Variants in PDE1C observed in about 807,000 individuals in gnomAD.
PDE1C encodes dual specificity calcium/calmodulin-dependent 3',5'-cyclic nucleotide phosphodiesterase 1C.
A neutral mutation model predicts 93.1 loss-of-function variants in PDE1C; 62 were observed. The observed-to-expected ratio is 0.67, with a 90% CI of 0.54 to 0.82. PDE1C has a LOEUF of 0.82. PDE1C is among the 40% of genes least tolerant of loss of function. PDE1C has a pLI of 0.00. For synonymous variants in PDE1C, 325 were observed against 310.1 expected (o/e 1.05, Z -0.50); for missense variants, 742 against 884.6 (o/e 0.84, Z 2.04).
At chr7:32,408,499 C>A (rs1839592) in intron 1 of PDE1C, among the ~76,000 whole-genome samples, 76,731 of 152,106 alleles carry the variant, frequency 0.5, 22,179 homozygotes, top group Non-Finnish European at 0.64. Context: ...TTAAAAGGGG[C>A]ATTAAAGGGC....
intron 17 of PDE1C, among the ~76,000 whole-genome samples, chr7:31,762,756 G>C (rs1029546117): frequency 6.6e-6 from 1 of 152,150 alleles, no homozygotes; most frequent in Non-Finnish European, 1.5e-5. Context: ...GAATGCAGGG[G>C]ACAGGAAGCT....
At chr7:31,834,489 C>A (rs369612925) in intron 11 of PDE1C, among the ~76,000 whole-genome samples, 1 of 152,150 alleles carries the variant, frequency 6.6e-6, no homozygotes, top group Admixed American at 6.5e-5. Context: ...ACCATGAGAA[C>A]CCATCTCTTG....
chr7:31,796,704 T>C (rs778393599), intron 16 of PDE1C, among the ~76,000 whole-genome samples: 6 of 151,656 alleles, frequency 4.0e-5, no homozygotes, highest in Admixed American at 6.6e-5. Flanking sequence ...ATATTATGGA[T>C]TGGTTAATAG....
In PDE1C at chr7:32,171,008, C is replaced by CTG. The variant is rs1323605370; in HGVS notation, c.137-1054_137-1053dup. ...CTAGCCAGTCCCAACCCTGCCTACC[C>CTG]TGCCTTGCCTGTTCCTTCTTGCAGA... On this transcript the variant is annotated intron_variant, in intron 2 of 18. Transcript: ENST00000396193. Among the ~76,000 whole-genome samples the CTG allele has an allele frequency of 2.0e-5, 3 of 152,280 alleles. No homozygotes were observed. In the East Asian group the frequency reaches 5.8e-4, roughly 29 times the overall value.
intron 2 of PDE1C, among the ~76,000 whole-genome samples, chr7:31,917,148 T>C (rs914965058): frequency 6.6e-6 from 1 of 152,058 alleles, no homozygotes; most frequent in South Asian, 2.1e-4. Context: ...TATAGGTAAA[T>C]GGTCCCAATC....
chr7:31,847,861 C>G (rs1484032655), intron 9 of PDE1C, 107 bp downstream of exon 9: 1 of 1,168,228 alleles, frequency 8.6e-7, no homozygotes, highest in Non-Finnish European at 1.3e-6. Context: ...GAAAGCAACA[C>G]GAATCAACAT....
the PDE1C span, among the ~76,000 whole-genome samples, chr7:31,705,986 A>ATTTT: frequency 1.0e-3 from 55 of 52,514 alleles, 10 homozygotes; most frequent in South Asian, 1.7e-3. Flanking sequence ...CAGACCAGTA[A>ATTTT]TTTTTTTTTT....
At chr7:32,287,321 C>T (rs568598990) in intron 1 of PDE1C, among the ~76,000 whole-genome samples, 1 of 152,306 alleles carries the variant, frequency 6.6e-6, no homozygotes, top group Admixed American at 6.5e-5. Flanking sequence ...AGCCCATCTC[C>T]TCCCTCCAGC....
chr7:32,276,001 A>G (rs10226228), intron 1 of PDE1C, among the ~76,000 whole-genome samples: 57,381 of 152,086 alleles, frequency 0.38, 11,254 homozygotes, highest in East Asian at 0.53. Flanking sequence ...TGCAAGATAG[A>G]TAAAACTCAA....
the PDE1C span, chr7:31,643,843 G>A: frequency 1.2e-6 from 2 of 1,613,908 alleles, no homozygotes; most frequent in Non-Finnish European, 1.7e-6. Flanking sequence ...CCCTGGCCCT[G>A]AACCCTCAGT....
chr7:32,205,490 C>T (rs1322037506), intron 2 of PDE1C, among the ~76,000 whole-genome samples: 2 of 151,946 alleles, frequency 1.3e-5, no homozygotes, highest in Non-Finnish European at 2.9e-5. Context: ...CCAATCAGCA[C>T]TCTGTAAAAT....
chr7:32,297,266 T>C (rs1489114349), intron 1 of PDE1C, among the ~76,000 whole-genome samples: 3 of 152,152 alleles, frequency 2.0e-5, no homozygotes, highest in Non-Finnish European at 1.5e-5. Flanking sequence ...TGGTCTCTTC[T>C]TGGCCCTAGT....
At chr7:32,368,288 C>T (rs1428789006) in intron 1 of PDE1C, among the ~76,000 whole-genome samples, 1 of 152,020 alleles carries the variant, frequency 6.6e-6, no homozygotes, top group African/African-American at 2.4e-5. Flanking sequence ...ACTCTTAGAA[C>T]TGATAAATTC....
chr7:32,285,209 T>G (rs965833916), intron 1 of PDE1C, among the ~76,000 whole-genome samples: 9 of 152,124 alleles, frequency 5.9e-5, no homozygotes, highest in Non-Finnish European at 1.3e-4. Flanking sequence ...CGTGGCTGAT[T>G]CCTCTTCTTT....
At chr7:32,298,634 G>A in intron 1 of PDE1C, 2 of 1,594,946 alleles carry the variant, frequency 1.3e-6, no homozygotes, top group Non-Finnish European at 1.7e-6. Context: ...AGTCCGAGAG[G>A]GGTGGAAAGT....
the PDE1C span, among the ~76,000 whole-genome samples, chr7:31,620,171 T>G: frequency 6.6e-6 from 1 of 152,152 alleles, no homozygotes; most frequent in Non-Finnish European, 1.5e-5. Context: ...GCTCCACCTC[T>G]GGGGGCAGGG....
At chr7:31,835,923 C>A (rs1294861308) in intron 11 of PDE1C, among the ~76,000 whole-genome samples, 1 of 152,102 alleles carries the variant, frequency 6.6e-6, no homozygotes, top group Non-Finnish European at 1.5e-5. Context: ...TTATCACAAT[C>A]TAAATTTATT....
At chr7:31,836,406 C>G (rs573020591) in intron 11 of PDE1C, among the ~76,000 whole-genome samples, 66 of 152,226 alleles carry the variant, frequency 4.3e-4, no homozygotes, top group Non-Finnish European at 7.9e-4. Flanking sequence ...GCGATCTCGG[C>G]TAACTGCAAC....
chr7:32,417,980 T>C (rs564226941), intron 1 of PDE1C, among the ~76,000 whole-genome samples: 30 of 152,276 alleles, frequency 2.0e-4, no homozygotes, highest in African/African-American at 7.0e-4. Context: ...TTTTGTTTGT[T>C]TGTTTTTGTT....
Sources: allele counts gnomAD v4.1 joint callset (sites outside exome capture counted in the v4.1 genomes callset), GRCh38; gene constraint gnomAD v4.1.1; transcripts MANE v1.5; gene names NCBI Gene and HGNC (gene_info 2026-07-23, HGNC 2026-07-21).